OLFM3: variants seen among roughly 807,000 people sequenced by gnomAD.
The protein encoded by OLFM3 is noelin-3.
Under a neutral mutation model 48.6 loss-of-function variants are expected in OLFM3, and 20 were observed. The observed-to-expected ratio is 0.41, with a 90% CI of 0.29 to 0.60. The LOEUF is 0.60. Among genes scored for constraint, OLFM3 ranks in the 20% least tolerant of loss-of-function variants. OLFM3 has a pLI of 0.28. For synonymous variants in OLFM3, 222 were observed against 198.1 expected, an observed-to-expected ratio of 1.12 and a Z score of -1.01; for missense variants, 437 against 544.3, an observed-to-expected ratio of 0.80 and a Z score of 1.96.
At chr1:101,862,838 G>A (rs944871984) in intron 1 of OLFM3, among the ~76,000 whole-genome samples, 2 of 152,140 alleles carry the variant, frequency 1.3e-5, no homozygotes, top group African/African-American at 4.8e-5. Flanking sequence ...ATTCCCAAAT[G>A]ATCAGAAGTA....
At chr1:101,947,257 T>C (rs1327698087) in intron 1 of OLFM3, among the ~76,000 whole-genome samples, 1 of 152,228 alleles carries the variant, frequency 6.6e-6, no homozygotes, top group African/African-American at 2.4e-5. Flanking sequence ...AGTTTCACTC[T>C]ATGATTTGAA....
At chr1:101,859,418 G>A (rs1656559439) in intron 1 of OLFM3, among the ~76,000 whole-genome samples, 1 of 151,974 alleles carries the variant, frequency 6.6e-6, no homozygotes, top group Non-Finnish European at 1.5e-5. Context: ...ATAAGACATG[G>A]GCTAGGCACA....
intron 1 of OLFM3, among the ~76,000 whole-genome samples, chr1:101,899,175 G>C (rs1406852654): frequency 6.6e-6 from 1 of 152,094 alleles, no homozygotes; most frequent in Non-Finnish European, 1.5e-5. Context: ...GTTCAAATTG[G>C]GGACGATCGG....
At chr1:101,862,224 A>T (rs187432512) in intron 1 of OLFM3, among the ~76,000 whole-genome samples, 4 of 152,312 alleles carry the variant, frequency 2.6e-5, no homozygotes, top group Non-Finnish European at 5.9e-5. Context: ...CAGTGACTCA[A>T]ATCTTCCAGG....
chr1:101,853,393 C>A (rs1656297116), intron 1 of OLFM3, among the ~76,000 whole-genome samples: 1 of 152,044 alleles, frequency 6.6e-6, no homozygotes. Flanking sequence ...AAAATGTCTA[C>A]TCTTGTCACC....
At chr1:101,911,417 A>G (rs1344864319) in intron 1 of OLFM3, among the ~76,000 whole-genome samples, 2 of 152,152 alleles carry the variant, frequency 1.3e-5, no homozygotes, top group Non-Finnish European at 2.9e-5. Context: ...TAAATGACTG[A>G]AACCTCATGG....
intron 4 of OLFM3, among the ~76,000 whole-genome samples, chr1:101,807,230 C>G (rs1006712892): frequency 2.0e-5 from 3 of 151,646 alleles, no homozygotes; most frequent in African/African-American, 7.3e-5. Context: ...GATTTTTGAA[C>G]AGCAAAATTT....
intron 1 of OLFM3, among the ~76,000 whole-genome samples, chr1:101,984,233 G>A (rs796593949): frequency 1.8e-4 from 21 of 115,382 alleles, no homozygotes; most frequent in Admixed American, 7.0e-4. Flanking sequence ...AAGGACAAAC[G>A]CAAGACTCTG....
chr1:101,860,170 A>G (rs1656595037), intron 1 of OLFM3, among the ~76,000 whole-genome samples: 1 of 152,064 alleles, frequency 6.6e-6, no homozygotes, highest in Admixed American at 6.5e-5. Context: ...CTTCTTATCA[A>G]GAAAGGGGGT....
intron 1 of OLFM3, among the ~76,000 whole-genome samples, chr1:101,839,201 G>C (rs1255370674): frequency 6.6e-6 from 1 of 151,952 alleles, no homozygotes; most frequent in Non-Finnish European, 1.5e-5. Flanking sequence ...TTTATTTTTG[G>C]GGGTCAGACT....
chr1:101,958,835 T>TTATA (rs10571792), intron 1 of OLFM3, among the ~76,000 whole-genome samples: 19,124 of 146,126 alleles, frequency 0.13, 1,346 homozygotes, highest in Middle Eastern at 0.2. Context: ...CAAAGTGATA[T>TTATA]TATATATATA....
intron 1 of OLFM3, among the ~76,000 whole-genome samples, chr1:101,937,074 G>T (rs919878687): frequency 4.6e-5 from 7 of 152,058 alleles, no homozygotes; most frequent in Admixed American, 3.3e-4. Context: ...CATGATGAAG[G>T]CACCAAAAGC....
chr1:101,919,161 G>C (rs1008580095), intron 1 of OLFM3, among the ~76,000 whole-genome samples: 2 of 152,036 alleles, frequency 1.3e-5, no homozygotes, highest in African/African-American at 2.4e-5. Flanking sequence ...GCGCTGACTT[G>C]TAAAACAATG....
intron 1 of OLFM3, among the ~76,000 whole-genome samples, chr1:101,913,285 C>T (rs983042025): frequency 6.6e-5 from 10 of 152,132 alleles, no homozygotes; most frequent in African/African-American, 2.2e-4. Context: ...ACTGGATCAG[C>T]AAAGTTTGAG....
chr1:101,874,023 C>T (rs1657194026), intron 1 of OLFM3, among the ~76,000 whole-genome samples: 1 of 151,920 alleles, frequency 6.6e-6, no homozygotes, highest in South Asian at 2.1e-4. Flanking sequence ...ATTTCTTCCT[C>T]TTACCTACAT....
At chr1:101,856,857 C>T (rs1211820507) in intron 1 of OLFM3, among the ~76,000 whole-genome samples, 1 of 151,942 alleles carries the variant, frequency 6.6e-6, no homozygotes, top group East Asian at 1.9e-4. Context: ...ATATTGGATT[C>T]AAATAGTTCC....
In OLFM3 at chr1:101,897,505, G is replaced by A. The variant is rs982475485; in HGVS notation, c.70-60480C>T. On this transcript the variant is annotated intron_variant, in intron 1 of 5. Coordinates refer to ENST00000370103, the MANE Select transcript of OLFM3 (RefSeq NM_058170.4). Reference sequence around the variant, plus strand: ...TAATGATCTCTATTTACTCTCTTGAGAAGTTACTAGTATAGCCCTCAAGTG... The same window carrying A: ...TAATGATCTCTATTTACTCTCTTGAAAAGTTACTAGTATAGCCCTCAAGTG... Among the ~76,000 whole-genome samples the A allele has an allele frequency of 2.6e-5, 4 of 152,084 alleles. No individual in the cohort carries two copies. In the East Asian group the frequency reaches 7.7e-4, roughly 29 times the overall value.
intron 1 of OLFM3, among the ~76,000 whole-genome samples, chr1:101,866,024 A>G (rs944362680): frequency 3.9e-5 from 6 of 152,232 alleles, no homozygotes; most frequent in Non-Finnish European, 7.3e-5. Flanking sequence ...AAGAGAAAAC[A>G]GCAATCATAT....
chr1:101,961,342 A>G (rs541480239), intron 1 of OLFM3, among the ~76,000 whole-genome samples: 18 of 152,196 alleles, frequency 1.2e-4, no homozygotes, highest in African/African-American at 4.3e-4. Context: ...AAATTATAGT[A>G]ACATATTTAA....
Sources: allele counts gnomAD v4.1 joint callset (sites outside exome capture counted in the v4.1 genomes callset), GRCh38; gene constraint gnomAD v4.1.1; transcripts MANE v1.5; gene names NCBI Gene and HGNC (gene_info 2026-07-23, HGNC 2026-07-21).